The following ARHGAP35 variants were observed in gnomAD, a reference collection of about 807,000 sequenced individuals.
The protein encoded by ARHGAP35 is rho GTPase-activating protein 35.
A neutral mutation model predicts 111.1 loss-of-function variants in ARHGAP35; 15 were observed. The observed-to-expected ratio is 0.13, with a 90% CI of 0.09 to 0.21. The LOEUF is 0.21. ARHGAP35 is among the 10% of genes least tolerant of loss of function. The probability of loss-of-function intolerance (pLI) is 1.00; values close to 1 mark genes in which losing one functional copy is unlikely to be tolerated. For missense variants in ARHGAP35, 1,262 were observed against 1,873.0 expected, an observed-to-expected ratio of 0.67 and a Z score of 6.02; for synonymous variants, 643 against 710.3, an observed-to-expected ratio of 0.91 and a Z score of 1.51.
At chr19:46,875,883 T>C (rs903693595) in intron 1 of ARHGAP35, among the ~76,000 whole-genome samples, 2 of 152,112 alleles carry the variant, frequency 1.3e-5, no homozygotes, top group Admixed American at 6.5e-5. Flanking sequence ...GCAGATAGTT[T>C]GAAGGTCTTA....
chr19:46,982,161 T>C (rs2056624330), intron 3 of ARHGAP35, among the ~76,000 whole-genome samples: 2 of 151,928 alleles, frequency 1.3e-5, no homozygotes, highest in Admixed American at 1.3e-4. Flanking sequence ...CAAAGTATTT[T>C]TGTGGAAGAC....
At chr19:46,900,468 A>G (rs1271060384) in intron 1 of ARHGAP35, among the ~76,000 whole-genome samples, 1 of 152,052 alleles carries the variant, frequency 6.6e-6, no homozygotes, top group Non-Finnish European at 1.5e-5. Flanking sequence ...TGATCCGCCC[A>G]CCTTGGCCTC....
Position 46,919,218 on chromosome 19 carries a change from C to T in ARHGAP35, c.543C>T (p.Val181=). ...ACTTTGATGACCAGCTCAAGTTTGT[C>T]TCCAATCTCTACAATCAGCTTGCAA... is the stretch of plus-strand genomic sequence containing the variant. ...NRNFDDQLKF[V]SNLYNQLAKT... The change falls in exon 2 of 7, where the codon GTC becomes GTT. Residue 181 remains valine (V), a synonymous_variant. Coordinates refer to ENST00000672722, the MANE Select transcript of ARHGAP35 (RefSeq NM_004491.5). The surrounding 1 kb of genome is among the most constrained non-coding windows in gnomAD (Gnocchi z 6.2). 6.2e-7 allele frequency: 1 copy of T among 1,613,908 alleles called. No homozygotes were observed. The highest frequency in any genetic ancestry group is 8.5e-7 in the Non-Finnish European group (1 of 1,179,884).
intron 1 of ARHGAP35, among the ~76,000 whole-genome samples, chr19:46,877,500 G>T (rs2055931657): frequency 6.6e-6 from 1 of 151,890 alleles, no homozygotes; most frequent in Non-Finnish European, 1.5e-5. Flanking sequence ...GGAGGTGGAG[G>T]TTGCAGTGAG....
chr19:47,000,968 C>G lies in ARHGAP35; in HGVS notation c.*280C>G. 1 of 1,510,626 alleles carries G rather than the reference C, an allele frequency of 6.6e-7. No homozygotes were observed. Among genetic ancestry groups the G allele is most frequent in the East Asian group, 2.6e-5 (1 of 38,990 alleles). 93.6% of individuals were successfully genotyped at this position (1,510,626 alleles called of 1,614,324 possible). On this transcript the variant is annotated 3_prime_UTR_variant, in exon 7 of 7. Transcript: ENST00000672722. The surrounding 1 kb of genome is among the most constrained non-coding windows in gnomAD (Gnocchi z 6.9). ...GCCCTCCCTCTGTTCCCTGGACCAC[C>G]ACCCCACGTAGCTGCTCACACCAGC...
At chr19:46,985,691 A>G (rs1170722014) in intron 3 of ARHGAP35, among the ~76,000 whole-genome samples, 2 of 152,164 alleles carry the variant, frequency 1.3e-5, no homozygotes, top group Non-Finnish European at 2.9e-5. Context: ...CCACTCTGAT[A>G]TGGAAAGTGC....
In ARHGAP35 at chr19:46,918,675, G is replaced by A. The variant is rs754879024; in HGVS notation, c.-1G>A. The A allele has an allele frequency of 1.5e-5, 24 of 1,610,830 alleles. No homozygotes were observed. The highest frequency in any genetic ancestry group is 6.6e-5 in the South Asian group (6 of 90,802). On this transcript the variant is annotated 5_prime_UTR_variant, in exon 2 of 7. Coordinates refer to ENST00000672722, the MANE Select transcript of ARHGAP35 (RefSeq NM_004491.5). The surrounding 1 kb of genome is among the most constrained non-coding windows in gnomAD (Gnocchi z 5.4). ...GCTGATCGTGGCAGGATGTGTCGAC[G>A]ATGATGATGGCAAGAAAGCAAGATG...
chr19:46,932,871 G>T (rs2056280958), intron 2 of ARHGAP35, among the ~76,000 whole-genome samples: 2 of 152,110 alleles, frequency 1.3e-5, no homozygotes, highest in South Asian at 2.1e-4. Context: ...TAAATCTGGG[G>T]CTCTTTGAGG....
chr19:46,970,199 T>C (rs2056537763), intron 3 of ARHGAP35, among the ~76,000 whole-genome samples: 1 of 152,230 alleles, frequency 6.6e-6, no homozygotes, highest in Non-Finnish European at 1.5e-5. Context: ...GTCAACATTT[T>C]TCTTTTTCCT....
At chr19:46,963,076 TG>T (rs930312725) in intron 3 of ARHGAP35, among the ~76,000 whole-genome samples, 5 of 152,336 alleles carry the variant, frequency 3.3e-5, no homozygotes, top group African/African-American at 4.8e-5. Flanking sequence ...TCATTCTTCC[TG>T]GGCCTGCTTT....
At chr19:46,864,263 A>ATT (rs1458512341) in intron 1 of ARHGAP35, among the ~76,000 whole-genome samples, 1 of 152,166 alleles carries the variant, frequency 6.6e-6, no homozygotes, top group Non-Finnish European at 1.5e-5. Flanking sequence ...GTGGGGGGGT[A>ATT]TTTAGTTCAT....
At position 46,922,868 on chromosome 19, in the gene ARHGAP35, G is replaced by A. The variant is rs2056211846; in HGVS notation, c.3681+512G>A. On this transcript the variant is annotated intron_variant, in intron 2 of 6. Coordinates refer to ENST00000672722, the MANE Select transcript of ARHGAP35 (RefSeq NM_004491.5). This position sits in a 1 kb window ranked among gnomAD's most constrained non-coding sequence, Gnocchi z 4.0. ...GTGACGAGTCTTTGAGTACATAAAT[G>A]AAAAAAGAGAATCTTGCCACTGAGA... 6.6e-6 allele frequency among the ~76,000 whole-genome samples: 1 copy of A among 152,064 alleles called. No individual in the cohort carries two copies. The highest frequency in any genetic ancestry group is 2.1e-4 in the South Asian group (1 of 4,818).
Position 46,988,326 on chromosome 19 carries a change from C to G in ARHGAP35, c.3904+260C>G, listed in dbSNP as rs1221573597. The stretch of plus-strand genomic sequence containing the variant: ...CACACTGCCACTCACAGATGCTCTT[C>G]CAGGTTGCCCGGGCACATGCCTCCC... On this transcript the variant is annotated intron_variant, in intron 4 of 6. Coordinates refer to ENST00000672722, the MANE Select transcript of ARHGAP35 (RefSeq NM_004491.5). This position sits in a 1 kb window ranked among gnomAD's most constrained non-coding sequence, Gnocchi z 5.4. The G allele has an allele frequency of 4.4e-6, 2 of 458,662 alleles. No individual in the cohort carries two copies. The allele number at this position is 458,662 out of a possible 1,614,324, so 28.4% of individuals were successfully genotyped here. A position where few individuals can be genotyped will look rare whatever the true frequency, so the allele number is the denominator to read the frequency against.
At position 46,920,152 on chromosome 19, in the gene ARHGAP35, C is replaced by G. The variant is rs2056189832; in HGVS notation, c.1477C>G (p.Gln493Glu). 1 of 1,613,924 alleles carries G rather than the reference C, an allele frequency of 6.2e-7. No individual in the cohort carries two copies. Among genetic ancestry groups the G allele is most frequent in the East Asian group, 2.2e-5 (1 of 44,874 alleles). Residue 493 changes from glutamine (Q) to glutamate (E), a missense_variant, in exon 2 of 7, where the codon CAG (glutamine) becomes GAG (glutamate). Coordinates refer to ENST00000672722, the MANE Select transcript of ARHGAP35 (RefSeq NM_004491.5). This position sits in a 1 kb window ranked among gnomAD's most constrained non-coding sequence, Gnocchi z 7.0. The part of the protein sequence containing the change: ...QIIDKAKEEF[Q>E]ELLLEYSELF... The stretch of plus-strand genomic sequence containing the variant: ...TATAGATAAAGCAAAGGAAGAATTT[C>G]AGGAGTTGCTTTTGGAATATTCAGA...
chr19:46,943,513 G>A (rs935701968), intron 3 of ARHGAP35, among the ~76,000 whole-genome samples: 3 of 152,178 alleles, frequency 2.0e-5, no homozygotes, highest in African/African-American at 7.2e-5. Context: ...GGGAAAGCTG[G>A]TGCTGCCACC....
At position 46,999,269 on chromosome 19, in the gene ARHGAP35, A is replaced by T; in HGVS notation, c.4037-35A>T. On this transcript the variant is annotated intron_variant, in intron 5 of 6. Transcript: ENST00000672722. This position sits in a 1 kb window ranked among gnomAD's most constrained non-coding sequence, Gnocchi z 5.4. ...CCTGGGGTGGCCACCAGCCTCGGCCATGAAAGGCAAGGCTTTGGTTTTCTC... is the reference window on the plus strand; with the variant it reads ...CCTGGGGTGGCCACCAGCCTCGGCCTTGAAAGGCAAGGCTTTGGTTTTCTC... 1 of 1,504,576 alleles carries T rather than the reference A, an allele frequency of 6.6e-7. No individual in the cohort carries two copies. Among genetic ancestry groups the T allele is most frequent in the Non-Finnish European group, 9.1e-7 (1 of 1,102,432 alleles). 93.2% of individuals were successfully genotyped at this position (1,504,576 alleles called of 1,614,324 possible). A position where few individuals can be genotyped will look rare whatever the true frequency, so the allele number is the denominator to read the frequency against.
intron 3 of ARHGAP35, among the ~76,000 whole-genome samples, chr19:46,939,668 C>T (rs146975022): frequency 0.021 from 3,143 of 152,126 alleles, 51 homozygotes; most frequent in South Asian, 0.034. Context: ...CCGCCTTGGC[C>T]TCCCAAAGTG....
At chr19:46,896,004 AG>A (rs1455462515) in intron 1 of ARHGAP35, among the ~76,000 whole-genome samples, 6 of 152,082 alleles carry the variant, frequency 3.9e-5, no homozygotes, top group African/African-American at 1.4e-4. Flanking sequence ...CGGGAGGCTG[AG>A]GCAGGAGAAT....
At chr19:46,952,256 C>G (rs1021848286) in intron 3 of ARHGAP35, among the ~76,000 whole-genome samples, 2 of 151,982 alleles carry the variant, frequency 1.3e-5, no homozygotes, top group African/African-American at 4.8e-5. Context: ...TATGAATACT[C>G]AAAGTTCTGA....
Sources: gnomAD v4.1 joint callset for allele counts (sites outside exome capture counted in the v4.1 genomes callset) on GRCh38, gnomAD v4.1.1 for gene constraint, Gnocchi (gnomAD v3.1) non-coding constraint, MANE v1.5 for transcripts, NCBI Gene and HGNC (gene_info 2026-07-23, HGNC 2026-07-21) for gene names.